Variants in RPRD1A observed in about 807,000 individuals in gnomAD.
RPRD1A encodes regulation of nuclear pre-mRNA domain-containing protein 1A.
RPRD1A carries 9 observed loss-of-function variants against 37.8 expected under a neutral mutation model. That is an observed-to-expected ratio of 0.24 (90% confidence interval 0.14 to 0.42). RPRD1A has a LOEUF of 0.42. Ranked by LOEUF, RPRD1A falls within the 10% of genes least tolerant of loss-of-function variation. The pLI is 1.00. For synonymous variants in RPRD1A, 138 were observed against 139.7 expected (o/e 0.99, Z 0.08); for missense variants, 255 against 371.0 (o/e 0.69, Z 2.57).
At chr18:36,015,107 A>G (rs891105717) in intron 6 of RPRD1A, among the ~76,000 whole-genome samples, 7 of 150,540 alleles carry the variant, frequency 4.6e-5, no homozygotes, top group Non-Finnish European at 8.8e-5. Context: ...AATGCCCCCA[A>G]CAAGTTGAAA....
intron 6 of RPRD1A, among the ~76,000 whole-genome samples, chr18:35,997,484 A>C (rs967897761): frequency 1.3e-5 from 2 of 150,850 alleles, no homozygotes; most frequent in African/African-American, 5.0e-5. Flanking sequence ...TGCAACATTC[A>C]TAAGCAAAAC....
At position 36,003,790 on chromosome 18, in the gene RPRD1A, T is replaced by C. The variant is rs549495623; in HGVS notation, c.790-10490A>G. Among the ~76,000 whole-genome samples the C allele has an allele frequency of 3.3e-5, 5 of 151,686 alleles. No individual in the cohort carries two copies. The East Asian group carries it at 9.6e-4, about 29-fold the overall frequency. On this transcript the variant is annotated intron_variant, in intron 6 of 6. Coordinates refer to ENST00000399022, the MANE Select transcript of RPRD1A (RefSeq NM_018170.5). ...TCAATAAAGTCTAAAGTTTTTTTTG[T>C]TTTGTTTTGTTTCTGTTTGTTTTTT...
chr18:36,026,738 T>C lies in RPRD1A; in HGVS notation c.789+162A>G, dbSNP rs1228136636. Reference sequence around the variant, plus strand: ...ACTTGCAAGATTAATTTGGTTCAAGTAGAAGAAAAACCATTAATACAAGGA... The same window carrying C: ...ACTTGCAAGATTAATTTGGTTCAAGCAGAAGAAAAACCATTAATACAAGGA... On this transcript the variant is annotated intron_variant, in intron 6 of 6. Coordinates refer to ENST00000399022, the MANE Select transcript of RPRD1A (RefSeq NM_018170.5). The C allele has an allele frequency of 1.7e-5, 9 of 518,300 alleles. No homozygotes were observed. The South Asian group carries it at 2.0e-4, about 11-fold the overall frequency. 32.1% of individuals were successfully genotyped at this position (518,300 alleles called of 1,614,324 possible).
In RPRD1A at chr18:36,067,541, G is replaced by A. The variant is rs867589471; in HGVS notation, c.-137C>T. 3.5e-6 allele frequency: 3 copies of A among 855,174 alleles called. No individual in the cohort carries two copies. Among genetic ancestry groups the A allele is most frequent in the South Asian group, 2.0e-5 (1 of 51,028 alleles). The allele number at this position is 855,174 out of a possible 1,614,324, so 53.0% of individuals were successfully genotyped here. ...CACGGCCGCCGCTTCATCCAAGACC[G>A]GCCGCAAACCAGCAAGATGGCGTCC... On this transcript the variant is annotated 5_prime_UTR_variant, in exon 1 of 7. Coordinates refer to ENST00000399022, the MANE Select transcript of RPRD1A (RefSeq NM_018170.5).
At chr18:36,009,064 T>C (rs1241341959) in intron 6 of RPRD1A, among the ~76,000 whole-genome samples, 1 of 152,156 alleles carries the variant, frequency 6.6e-6, no homozygotes. Flanking sequence ...TAATTTTTTT[T>C]TTGTATTAAC....
chr18:36,062,982 T>A (rs1315555095), intron 1 of RPRD1A: 2 of 152,224 alleles, frequency 1.3e-5, no homozygotes, highest in African/African-American at 2.4e-5. Context: ...ACTTACATTT[T>A]TGGTTACACT....
chr18:36,004,689 T>C (rs991567829), intron 6 of RPRD1A, among the ~76,000 whole-genome samples: 2 of 152,000 alleles, frequency 1.3e-5, no homozygotes, highest in Admixed American at 1.3e-4. Flanking sequence ...TTATTTGAAA[T>C]GAAAGAAAAG....
rs1016327419 is a variant in RPRD1A at position 36,033,896 on chromosome 18, C to T, written c.152-59G>A. ...AAACATCTTTACTTGGACAAACTTT[C>T]TCAATACCTAAATTAAGCATTTTGA... On this transcript the variant is annotated intron_variant, in intron 1 of 6. Transcript: ENST00000399022. The T allele has an allele frequency of 4.9e-6, 7 of 1,422,888 alleles. No individual in the cohort carries two copies. The African/African-American group carries it at 1.0e-4, about 20-fold the overall frequency. 88.1% of individuals were successfully genotyped at this position (1,422,888 alleles called of 1,614,324 possible). A position where few individuals can be genotyped will look rare whatever the true frequency, so the allele number is the denominator to read the frequency against.
chr18:36,051,706 T>C (rs755593351), intron 1 of RPRD1A, among the ~76,000 whole-genome samples: 8 of 151,542 alleles, frequency 5.3e-5, no homozygotes, highest in Non-Finnish European at 1.2e-4. Flanking sequence ...ATAAATGCTA[T>C]AATAACAACA....
At chr18:36,016,269 C>T (rs760406537) in intron 6 of RPRD1A, among the ~76,000 whole-genome samples, 2 of 152,156 alleles carry the variant, frequency 1.3e-5, no homozygotes, top group African/African-American at 4.8e-5. Flanking sequence ...GTTGCCCAGG[C>T]TGGAGTGCAA....
rs1484558494 is a variant in RPRD1A at position 36,030,765 on chromosome 18, G to A, written c.486+43C>T. 5 of 1,169,030 alleles carry A rather than the reference G, an allele frequency of 4.3e-6. No homozygotes were observed. The East Asian group carries it at 9.4e-5, about 22-fold the overall frequency. The allele number at this position is 1,169,030 out of a possible 1,614,324, so 72.4% of individuals were successfully genotyped here. On this transcript the variant is annotated intron_variant, in intron 4 of 6. Coordinates refer to ENST00000399022, the MANE Select transcript of RPRD1A (RefSeq NM_018170.5). The stretch of plus-strand genomic sequence containing the variant: ...AATTAATAAAGCTTGGTGGCAACAT[G>A]AAGTAAAAGTTTGTAACTCTTTTAA...
At chr18:36,040,903 C>G in intron 1 of RPRD1A, 1 of 1,212,490 alleles carries the variant, frequency 8.2e-7, no homozygotes, top group African/African-American at 1.5e-5. Context: ...ATTTACTACA[C>G]CTTCTAGAAT....
At chr18:36,033,027 G>C (rs1343998674) in intron 2 of RPRD1A, among the ~76,000 whole-genome samples, 1 of 152,188 alleles carries the variant, frequency 6.6e-6, no homozygotes. Context: ...AAACAGGCCA[G>C]ACATGGTGGC....
At chr18:36,010,562 G>A (rs1230814667) in intron 6 of RPRD1A, among the ~76,000 whole-genome samples, 1 of 152,140 alleles carries the variant, frequency 6.6e-6, no homozygotes, top group East Asian at 1.9e-4. Context: ...GTTAAGGGTA[G>A]GACATCAATG....
chr18:36,014,994 T>C (rs1241218722), intron 6 of RPRD1A, among the ~76,000 whole-genome samples: 3 of 151,958 alleles, frequency 2.0e-5, no homozygotes, highest in Admixed American at 1.3e-4. Context: ...GCTCTGTTGG[T>C]GGGAATGCAA....
intron 1 of RPRD1A, among the ~76,000 whole-genome samples, chr18:36,062,323 C>CTAA (rs2088930069): frequency 2.5e-5 from 1 of 40,632 alleles, no homozygotes; most frequent in African/African-American, 9.9e-5. Flanking sequence ...GACTCCGTCT[C>CTAA]AAAAAAAAAA....
In RPRD1A at chr18:36,031,063, T is replaced by C; in HGVS notation, c.316A>G (p.Arg106Gly). Residue 106 changes from arginine (R) to glycine (G), a missense_variant, in exon 3 of 7, where the codon AGA (arginine) becomes GGA (glycine). Around this residue, in one of 2 missense-constraint regions of RPRD1A, gnomAD observed 211 missense variants for 268.9 expected, o/e 0.78. Coordinates refer to ENST00000399022, the MANE Select transcript of RPRD1A (RefSeq NM_018170.5). Reference sequence around the variant, plus strand: ...CTTTCTTCCCAAATAGATAACACTCTTCCAAGGTGCTTCTTACAACTTTCA... The same window carrying C: ...CTTTCTTCCCAAATAGATAACACTCCTCCAAGGTGCTTCTTACAACTTTCA... ...TDESCKKHLG[R>G]VLSIWEERSV... The C allele has an allele frequency of 6.3e-7, 1 of 1,580,356 alleles. No homozygotes were observed. The highest frequency in any genetic ancestry group is 8.5e-7 in the Non-Finnish European group (1 of 1,171,190).
At chr18:36,011,116 A>C (rs2144204324) in intron 6 of RPRD1A, among the ~76,000 whole-genome samples, 1 of 152,296 alleles carries the variant, frequency 6.6e-6, no homozygotes, top group South Asian at 2.1e-4. Flanking sequence ...TTGGGGGCTA[A>C]AACCTCTGAG....
At chr18:36,054,385 C>T (rs545344531) in intron 1 of RPRD1A, among the ~76,000 whole-genome samples, 55 of 152,100 alleles carry the variant, frequency 3.6e-4, no homozygotes, top group Non-Finnish European at 7.2e-4. Context: ...CCCAGCTACT[C>T]GGGAGGCTGA....
Sources: gnomAD v4.1 joint callset for allele counts (sites outside exome capture counted in the v4.1 genomes callset) on GRCh38, gnomAD v4.1.1 for gene constraint, gnomAD v4.1.1 regional missense constraint, MANE v1.5 for transcripts, NCBI Gene and HGNC (gene_info 2026-07-23, HGNC 2026-07-21) for gene names.